TM9SF1: variants seen among roughly 807,000 people sequenced by gnomAD.
TM9SF1 encodes transmembrane 9 superfamily member 1.
A neutral mutation model predicts 52.4 loss-of-function variants in TM9SF1; 25 were observed. The observed-to-expected ratio is 0.48, with a 90% confidence interval of 0.35 to 0.67. The LOEUF (loss-of-function observed/expected upper bound fraction) is 0.67. Among genes scored for constraint, TM9SF1 ranks in the 30% least tolerant of loss-of-function variants. TM9SF1 has a pLI of 0.01. For missense variants in TM9SF1, 604 were observed against 780.3 expected (o/e 0.77, Z 2.69); for synonymous variants, 284 against 299.8 (o/e 0.95, Z 0.55).
intron 5 of TM9SF1, 100 bp downstream of exon 5, chr14:24,190,280 C>T (rs2039297951): frequency 1.3e-6 from 2 of 1,508,878 alleles, no homozygotes; most frequent in Admixed American, 2.3e-5. Context: ...ACCACTGAAC[C>T]AGGGATCAAC....
At position 24,192,164 on chromosome 14, in the gene TM9SF1, T is replaced by C. The variant is rs1418555905; in HGVS notation, c.1153+7A>G. ...GAAAGGCCCACCAGGGAAAGGAAAG[T>C]CCTCACCAGAGAAGAGACTGGTGGT... On this transcript the variant is annotated splice_region_variant and intron_variant, in intron 4 of 5. Coordinates refer to ENST00000261789, the MANE Select transcript of TM9SF1 (RefSeq NM_006405.7). The surrounding 1 kb of genome is among the most constrained non-coding windows in gnomAD (Gnocchi z 4.0). The C allele has an allele frequency of 2.5e-6, 4 of 1,613,938 alleles. No individual in the cohort carries two copies. The highest frequency in any genetic ancestry group is 3.4e-6 in the Non-Finnish European group (4 of 1,179,860).
chr14:24,193,112 T>C lies in TM9SF1; in HGVS notation c.503A>G (p.Glu168Gly). Residue 168 changes from glutamate (E) to glycine (G), a missense_variant, in exon 3 of 6, where the codon GAA becomes GGA. Physicochemically the swap from Glu to Gly is moderately conservative, Grantham distance 98 (BLOSUM62 -2). This residue lies in a region of TM9SF1 where 450 missense variants were observed against 560.1 expected (regional missense o/e 0.80). Coordinates refer to ENST00000261789, the MANE Select transcript of TM9SF1 (RefSeq NM_006405.7). ...AAATATAATTCGGTCTCCATGGAATTCTAGGTGGAAGTCCAAATGGGTCCA... is the reference window on the plus strand; with the variant it reads ...AAATATAATTCGGTCTCCATGGAATCCTAGGTGGAAGTCCAAATGGGTCCA... ...GLWTHLDFHL[E>G]FHGDRIIFAN... The C allele has an allele frequency of 6.2e-7, 1 of 1,614,198 alleles. No homozygotes were observed.
At chr14:24,191,233 A>G (rs1343319081) in intron 4 of TM9SF1, among the ~76,000 whole-genome samples, 1 of 152,226 alleles carries the variant, frequency 6.6e-6, no homozygotes, top group Non-Finnish European at 1.5e-5. Flanking sequence ...TAGCTACTAC[A>G]TAATCTGAGA....
chr14:24,193,274 A>G lies in TM9SF1; in HGVS notation c.346-5T>C. The G allele has an allele frequency of 6.3e-7, 1 of 1,587,442 alleles. No homozygotes were observed. The highest frequency in any genetic ancestry group is 8.6e-7 in the Non-Finnish European group (1 of 1,165,176). ...GGCCTGGCGCAGCTGCTCCACCTAT[A>G]AAGAGCAAGTCAGGAGTTGGTCACA... On this transcript the variant is annotated splice_polypyrimidine_tract_variant and splice_region_variant and intron_variant, in intron 2 of 5. Coordinates refer to ENST00000261789, the MANE Select transcript of TM9SF1 (RefSeq NM_006405.7).
chr14:24,189,747 A>G lies in TM9SF1; in HGVS notation c.1489T>C (p.Leu497=). 2 of 1,614,122 alleles carry G rather than the reference A, an allele frequency of 1.2e-6. No individual in the cohort carries two copies. The highest frequency in any genetic ancestry group is 1.7e-6 in the Non-Finnish European group (2 of 1,180,024). Reference sequence around the variant, plus strand: ...AAGACAAAGAAGAGGATGCCGTACAAAGTGTACTGCTCCCGACCCCATACT... The same window carrying G: ...AAGACAAAGAAGAGGATGCCGTACAGAGTGTACTGCTCCCGACCCCATACT... ...ATVWGREQYT[L]YGILFFVFAI... Residue 497 remains leucine (L), a synonymous_variant, in exon 6 of 6, where the codon TTG becomes CTG. Transcript: ENST00000261789.
chr14:24,192,547 C>A lies in TM9SF1; in HGVS notation c.967+101G>T. On this transcript the variant is annotated intron_variant, in intron 3 of 5. Transcript: ENST00000261789. The surrounding 1 kb of genome is among the most constrained non-coding windows in gnomAD (Gnocchi z 4.0). ...GAGCCACCCTATCCCTTAGGTCTGC[C>A]CCTCTGGATAGAAGAGAAGATCCAC... 6.9e-7 allele frequency: 1 copy of A among 1,451,342 alleles called. No individual in the cohort carries two copies. The allele number at this position is 1,451,342 out of a possible 1,614,324, so 89.9% of individuals were successfully genotyped here. A position where few individuals can be genotyped will look rare whatever the true frequency, so the allele number is the denominator to read the frequency against.
intron 4 of TM9SF1, 195 bp downstream of exon 4, chr14:24,191,976 C>T: frequency 1.8e-6 from 1 of 562,092 alleles, no homozygotes; most frequent in South Asian, 2.0e-5. Context: ...ACCACCATGC[C>T]CGGCTAATTT....
chr14:24,194,941 C>T lies in TM9SF1; in HGVS notation c.79G>A (p.Gly27Arg), dbSNP rs915554523. The T allele has an allele frequency of 6.8e-6, 11 of 1,614,224 alleles. No homozygotes were observed. The highest frequency in any genetic ancestry group is 9.3e-6 in the Non-Finnish European group (11 of 1,180,040). The change falls in exon 2 of 6, where the codon GGG becomes AGG. Residue 27 changes from glycine (G) to arginine (R), a missense_variant. By Grantham distance (125) the Gly-to-Arg change is moderately radical. Coordinates refer to ENST00000261789, the MANE Select transcript of TM9SF1 (RefSeq NM_006405.7). ...ILILLLGTGHGPGVEGVTHYK... is the reference protein window; with the variant it reads ...ILILLLGTGHRPGVEGVTHYK... The stretch of plus-strand genomic sequence containing the variant: ...TGTGTCACGCCTTCCACCCCTGGCC[C>T]ATGGCCTGTGCCCAGCAACAGTATC...
At position 24,189,267 on chromosome 14, in the gene TM9SF1, G is replaced by T; in HGVS notation, c.*148C>A. ...TGTGATAGAGATTTATAATTTCCAG[G>T]CCCTCTCTGGGGAAGGAATGCCCAA... On this transcript the variant is annotated 3_prime_UTR_variant, in exon 6 of 6. Transcript: ENST00000261789. 1 of 787,590 alleles carries T rather than the reference G, an allele frequency of 1.3e-6. No homozygotes were observed. Among genetic ancestry groups the T allele is most frequent in the Non-Finnish European group, 2.0e-6 (1 of 495,730 alleles). 48.8% of individuals were successfully genotyped at this position (787,590 alleles called of 1,614,324 possible).
rs530992533 is a variant in TM9SF1, at chr14:24,190,903, C to G, written c.1154-250G>C. Reference sequence around the variant, plus strand: ...TTGAGACAGAGTCTCGCTCTGTCGCCCAGGCTGGAGTGCAGTGGCGCGATC... The same window carrying G: ...TTGAGACAGAGTCTCGCTCTGTCGCGCAGGCTGGAGTGCAGTGGCGCGATC... On this transcript the variant is annotated intron_variant, in intron 4 of 5. Coordinates refer to ENST00000261789, the MANE Select transcript of TM9SF1 (RefSeq NM_006405.7). Among the ~76,000 whole-genome samples the G allele has an allele frequency of 1.2e-4, 17 of 137,720 alleles. No individual in the cohort carries two copies. The East Asian group carries it at 3.8e-3, about 31-fold the overall frequency. The allele number at this position is 137,720 out of a possible 152,430, so 90.3% of individuals were successfully genotyped here.
rs1319680413 is a variant in TM9SF1, at chr14:24,189,829, A to ACACAG, written c.1428-26_1428-22dup. 2.5e-6 allele frequency: 4 copies of ACACAG among 1,584,070 alleles called. No individual in the cohort carries two copies. In the East Asian group the frequency reaches 6.7e-5, roughly 27 times the overall value. ...TGGCACTGTGAAGAAAAGAGATGAT[A>ACACAG]CACAGCATTAAAGGGCTGTGCACCA... On this transcript the variant is annotated intron_variant, in intron 5 of 5. Transcript: ENST00000261789.
intron 4 of TM9SF1, 179 bp downstream of exon 4, chr14:24,191,992 T>A (rs558474732): frequency 1.6e-6 from 1 of 630,226 alleles, no homozygotes; most frequent in Non-Finnish European, 2.8e-6. Flanking sequence ...AATTTTTTGT[T>A]ATAGAGAGAG....
At position 24,195,396 on chromosome 14, in the gene TM9SF1, A is replaced by G. The variant is rs2039384692; in HGVS notation, c.-68T>C. ...GCGCCAGCGGCCTTCGCGCCCCCGT[A>G]GCTGCCTTTGGGCTCCTGCTGGGGT... On this transcript the variant is annotated 5_prime_UTR_variant, in exon 1 of 6. Transcript: ENST00000261789. 1 of 232,564 alleles carries G rather than the reference A, an allele frequency of 4.3e-6. No homozygotes were observed. The allele number at this position is 232,564 out of a possible 1,614,324, so 14.4% of individuals were successfully genotyped here. A position where few individuals can be genotyped will look rare whatever the true frequency, so the allele number is the denominator to read the frequency against.
Position 24,195,362 on chromosome 14 carries a change from G to A in TM9SF1, c.-34C>T. The A allele has an allele frequency of 8.0e-6, 2 of 250,678 alleles. No homozygotes were observed. Among genetic ancestry groups the A allele is most frequent in the Non-Finnish European group, 7.8e-6 (1 of 128,228 alleles). The allele number at this position is 250,678 out of a possible 1,614,324, so 15.5% of individuals were successfully genotyped here. On this transcript the variant is annotated 5_prime_UTR_variant, in exon 1 of 6. Coordinates refer to ENST00000261789, the MANE Select transcript of TM9SF1 (RefSeq NM_006405.7). ...GGTCCTCACCGCGCGGGAAGGGCTG[G>A]CCGAGGCGGCGCCAGCGGCCTTCGC...
intron 5 of TM9SF1, 106 bp downstream of exon 5, chr14:24,190,274 C>G (rs1188158701): frequency 2.6e-6 from 4 of 1,509,880 alleles, no homozygotes; most frequent in Non-Finnish European, 2.7e-6. Flanking sequence ...AATGGTACCA[C>G]TGAACCAGGG....
chr14:24,189,700 C>T lies in TM9SF1; in HGVS notation c.1536G>A (p.Gly512=). The T allele has an allele frequency of 6.2e-7, 1 of 1,614,120 alleles. No homozygotes were observed. Among genetic ancestry groups the T allele is most frequent in the Non-Finnish European group, 8.5e-7 (1 of 1,180,020 alleles). ...AGGTGAGTGCAATGGAGATGCAAGC[C>T]CCCACACTCAGCAGGATGGCGAAGA... The part of the protein sequence containing the change: ...FFVFAILLSV[G]ACISIALTYF... Residue 512 remains glycine, a synonymous_variant, in exon 6 of 6, where the codon GGG becomes GGA. Transcript: ENST00000261789.
chr14:24,190,227 C>A, intron 5 of TM9SF1, 153 bp downstream of exon 5: 1 of 1,477,784 alleles, frequency 6.8e-7, no homozygotes. Flanking sequence ...AAGCTCAGTC[C>A]TGCTTGGGGA....
Position 24,195,401 on chromosome 14 carries a change from C to A in TM9SF1, c.-73G>T. ...AGCGGCCTTCGCGCCCCCGTAGCTG[C>A]CTTTGGGCTCCTGCTGGGGTCTCTC... is the stretch of plus-strand genomic sequence containing the variant. On this transcript the variant is annotated 5_prime_UTR_variant, in exon 1 of 6. Coordinates refer to ENST00000261789, the MANE Select transcript of TM9SF1 (RefSeq NM_006405.7). 4.3e-6 allele frequency: 1 copy of A among 230,194 alleles called. No homozygotes were observed. The highest frequency in any genetic ancestry group is 8.7e-6 in the Non-Finnish European group (1 of 114,846). 14.3% of individuals were successfully genotyped at this position (230,194 alleles called of 1,614,324 possible).
intron 2 of TM9SF1, 45 bp downstream of exon 2, chr14:24,194,630 C>A: frequency 6.5e-7 from 1 of 1,550,266 alleles, no homozygotes; most frequent in South Asian, 1.1e-5. Context: ...CACTGTTAGT[C>A]TCTGGGAAGG....
Sources: gnomAD v4.1 joint callset for allele counts (sites outside exome capture counted in the v4.1 genomes callset) on GRCh38, gnomAD v4.1.1 for gene constraint, gnomAD v4.1.1 regional missense constraint, Gnocchi (gnomAD v3.1) non-coding constraint, MANE v1.5 for transcripts, NCBI Gene and HGNC (gene_info 2026-07-23, HGNC 2026-07-21) for gene names.